TNS2: variants seen among roughly 807,000 people sequenced by gnomAD.
TNS2 encodes the protein tensin 2, also known as tensin-2.
In TNS2, 77 loss-of-function variants were observed where a neutral mutation model predicts 155.7. That is an observed-to-expected ratio of 0.49 (90% CI 0.41 to 0.60). TNS2 has a LOEUF of 0.60. Ranked by LOEUF, TNS2 falls within the 20% of genes least tolerant of loss-of-function variation. The probability of loss-of-function intolerance (pLI) is 0.00; values close to 1 mark genes in which losing one functional copy is unlikely to be tolerated. For missense variants in TNS2, 1,703 were observed against 1,868.8 expected (o/e 0.91, Z 1.64); for synonymous variants, 726 against 763.9 (o/e 0.95, Z 0.82).
rs1392028312 is a variant in TNS2, at chr12:53,058,412, T to A, written c.1192T>A (p.Phe398Ile). 6.2e-7 allele frequency: 1 copy of A among 1,614,098 alleles called. No homozygotes were observed. Among genetic ancestry groups the A allele is most frequent in the South Asian group, 1.1e-5 (1 of 91,078 alleles). ...TCTIHGPQLT[F>I]PKDQLDEAWT... ...CACCATCCACGGACCACAGCTCACT[T>A]TCCCCAAGGACCAGCTTGACGAGGC... The change falls in exon 15 of 29, where the codon TTC becomes ATC. Residue 398 changes from phenylalanine (F) to isoleucine (I), a missense_variant. Coordinates refer to ENST00000314250, the MANE Select transcript of TNS2 (RefSeq NM_170754.4).
At chr12:53,054,524 C>G (rs1441663409) in intron 7 of TNS2, 83 bp downstream of exon 7, 22 of 932,950 alleles carry the variant, frequency 2.4e-5, no homozygotes, top group Non-Finnish European at 2.4e-5. Flanking sequence ...ACGTCACCAG[C>G]GGAGGCGAGG....
At position 53,057,111 on chromosome 12, in the gene TNS2, TG is replaced by T; in HGVS notation, c.845+19del. The T allele has an allele frequency of 6.2e-7, 1 of 1,608,014 alleles. No homozygotes were observed. Among genetic ancestry groups the T allele is most frequent in the Non-Finnish European group, 8.5e-7 (1 of 1,177,454 alleles). On this transcript the variant is annotated intron_variant, in intron 11 of 28. Transcript: ENST00000314250. ...TCCCAGCGTCGGTGAGCAGCCTGGGTGGGGATGGGCCAGAGGAGCAGCTCCC... is the reference window on the plus strand; with the variant it reads ...TCCCAGCGTCGGTGAGCAGCCTGGGTGGGATGGGCCAGAGGAGCAGCTCCC...
chr12:53,047,678 G>A (rs1162848668), upstream of TNS2, among the ~76,000 whole-genome samples: 3 of 152,032 alleles, frequency 2.0e-5, no homozygotes, highest in African/African-American at 7.2e-5. Context: ...CCCGGGACCC[G>A]GCAGCAGCTG....
Position 53,050,924 on chromosome 12 carries a change from G to A in TNS2, c.75+664G>A, listed in dbSNP as rs1379351044. 1.3e-5 allele frequency among the ~76,000 whole-genome samples: 2 copies of A among 152,176 alleles called. No individual in the cohort carries two copies. The highest frequency in any genetic ancestry group is 2.9e-5 in the Non-Finnish European group (2 of 68,046). On this transcript the variant is annotated intron_variant, in intron 1 of 28. Transcript: ENST00000314250. The surrounding 1 kb of genome is among the most constrained non-coding windows in gnomAD (Gnocchi z 4.7). ...TACTGTGATGGGTCCCCGGGAGGAG[G>A]ACAGCAGGAGTCTGAACTCCAGAGG...
upstream of TNS2, among the ~76,000 whole-genome samples, chr12:53,048,403 G>A (rs1311124817): frequency 1.3e-5 from 2 of 152,198 alleles, no homozygotes; most frequent in African/African-American, 2.4e-5. Context: ...CCTGGTCAGG[G>A]CCATGTGCCA....
At chr12:53,056,972 G>A in intron 10 of TNS2, 41 bp from the exon 11 acceptor site, 1 of 1,587,930 alleles carries the variant, frequency 6.3e-7, no homozygotes, top group Non-Finnish European at 8.6e-7. Flanking sequence ...CCAGGATGAA[G>A]ATTAATCCCT....
chr12:53,062,962 G>C, intron 25 of TNS2, 127 bp from the exon 26 acceptor site: 1 of 1,278,962 alleles, frequency 7.8e-7, no homozygotes, highest in Non-Finnish European at 1.1e-6. Context: ...CATGGAATCT[G>C]CCTTTTTAAC....
Position 53,062,495 on chromosome 12 carries a change from C to A in TNS2, c.3745+42C>A, listed in dbSNP as rs777027686. 8 of 1,611,484 alleles carry A rather than the reference C, an allele frequency of 5.0e-6. No individual in the cohort carries two copies. In the East Asian group the frequency reaches 1.6e-4, roughly 31 times the overall value. On this transcript the variant is annotated intron_variant, in intron 24 of 28. Coordinates refer to ENST00000314250, the MANE Select transcript of TNS2 (RefSeq NM_170754.4). ...CTGTCCTCCCCACCTCTCCCTACCC[C>A]CTGCAGCCAAAGCAGGATCCAGAGG...
chr12:53,061,774 T>G, intron 21 of TNS2, 41 bp from the exon 22 acceptor site: 1 of 1,588,042 alleles, frequency 6.3e-7, no homozygotes, highest in South Asian at 1.1e-5. Flanking sequence ...TCCACCCCTG[T>G]GAAAACTCCT....
chr12:53,059,307 G>GTTTTTC lies in TNS2; in HGVS notation c.1666_1667insTTTTTC (p.Gly556delinsValPheArg). ...CTGCGGAGTGGCCAGTGGGGGCCGGGGAGCTGGGCGCGAGACGGCCATCCT... is the reference window on the plus strand; with the variant it reads ...CTGCGGAGTGGCCAGTGGGGGCCGGGTTTTTCGAGCTGGGCGCGAGACGGCCATCCT... On this transcript the variant is annotated protein_altering_variant, in exon 18 of 29. Transcript: ENST00000314250. This position sits in a 1 kb window ranked among gnomAD's most constrained non-coding sequence, Gnocchi z 4.7. The GTTTTTC allele has an allele frequency of 6.9e-7, 1 of 1,457,850 alleles. No individual in the cohort carries two copies. 90.3% of individuals were successfully genotyped at this position (1,457,850 alleles called of 1,614,324 possible). A position where few individuals can be genotyped will look rare whatever the true frequency, so the allele number is the denominator to read the frequency against.
chr12:53,058,467 T>C, intron 15 of TNS2, 22 bp downstream of exon 15: 1 of 1,613,938 alleles, frequency 6.2e-7, no homozygotes, highest in Middle Eastern at 1.6e-4. Flanking sequence ...ACAAGTGGCC[T>C]GGGGCTGGAG....
At chr12:53,048,452 C>T (rs1943806642), upstream of TNS2, among the ~76,000 whole-genome samples, 1 of 152,216 alleles carries the variant, frequency 6.6e-6, no homozygotes, top group Non-Finnish European at 1.5e-5. Flanking sequence ...AAAAGCCACC[C>T]CCACTGCCCA....
Position 53,057,849 on chromosome 12 carries a change from C to T in TNS2, c.1019+16C>T, listed in dbSNP as rs1472526619. 5 of 1,613,842 alleles carry T rather than the reference C, an allele frequency of 3.1e-6. No homozygotes were observed. The highest frequency in any genetic ancestry group is 4.2e-6 in the Non-Finnish European group (5 of 1,180,018). ...CTGGAGTCTAGTGAGTGCTCTATTCCCAGGCCCCTGACACTTCATGACCAG... is the reference window on the plus strand; with the variant it reads ...CTGGAGTCTAGTGAGTGCTCTATTCTCAGGCCCCTGACACTTCATGACCAG... On this transcript the variant is annotated intron_variant, in intron 13 of 28. Transcript: ENST00000314250.
chr12:53,055,859 C>CGCCTG lies in TNS2; in HGVS notation c.761+15_761+19dup. 1 of 1,604,348 alleles carries CGCCTG rather than the reference C, an allele frequency of 6.2e-7. No individual in the cohort carries two copies. Among genetic ancestry groups the CGCCTG allele is most frequent in the Non-Finnish European group, 8.5e-7 (1 of 1,173,904 alleles). On this transcript the variant is annotated intron_variant, in intron 10 of 28. Transcript: ENST00000314250. ...GATCTCTGCAGGGTGAGGCTCCCAG[C>CGCCTG]GCCTGAGTAGCTGCTTCCCCAGTGG...
chr12:53,060,807 G>A lies in TNS2; in HGVS notation c.2901G>A (p.Glu967=). ...AGCTGCCGTCGGGAAGTGGGCCTGA[G>A]CCTCTGGCCCCTAGCCCAGTCTCTC... ...APELPSGSGP[E]PLAPSPVSPT... is the part of the protein sequence containing the mutation. The change falls in exon 20 of 29, where the codon GAG becomes GAA. Residue 967 remains glutamate (E), a synonymous_variant. Transcript: ENST00000314250. The surrounding 1 kb of genome is among the most constrained non-coding windows in gnomAD (Gnocchi z 6.1). The A allele has an allele frequency of 6.2e-7, 1 of 1,611,620 alleles. No individual in the cohort carries two copies. Among genetic ancestry groups the A allele is most frequent in the South Asian group, 1.1e-5 (1 of 90,934 alleles).
Position 53,059,318 on chromosome 12 carries a change from C to A in TNS2, c.1677C>A (p.Arg559=), listed in dbSNP as rs539615970. The A allele has an allele frequency of 7.1e-7, 1 of 1,413,488 alleles. No homozygotes were observed. The highest frequency in any genetic ancestry group is 9.2e-7 in the Non-Finnish European group (1 of 1,083,538). The allele number at this position is 1,413,488 out of a possible 1,614,324, so 87.6% of individuals were successfully genotyped here. ...CCAGTGGGGGCCGGGGAGCTGGGCG[C>A]GAGACGGCCATCCTAGATGACGAAG... The part of the protein sequence containing the change: ...GVASGGRGAG[R]ETAILDDEEQ... Residue 559 remains arginine, a synonymous_variant, in exon 18 of 29, where the codon CGC becomes CGA. Transcript: ENST00000314250. The surrounding 1 kb of genome is among the most constrained non-coding windows in gnomAD (Gnocchi z 4.7).
At chr12:53,049,276 G>C (rs372551154), upstream of TNS2, 135 of 1,584,706 alleles carry the variant, frequency 8.5e-5, no homozygotes, top group African/African-American at 4.5e-4. Flanking sequence ...GGGTTGCCGC[G>C]GGGGGAGGGT....
upstream of TNS2, among the ~76,000 whole-genome samples, chr12:53,048,444 A>C (rs2121037255): frequency 6.6e-6 from 1 of 152,196 alleles, no homozygotes; most frequent in Non-Finnish European, 1.5e-5. Flanking sequence ...GGACAGAAAA[A>C]AGCCACCCCC....
rs2139774 is a variant in TNS2 at position 53,056,841 on chromosome 12, C to T, written c.762-172C>T. On this transcript the variant is annotated intron_variant, in intron 10 of 28. Coordinates refer to ENST00000314250, the MANE Select transcript of TNS2 (RefSeq NM_170754.4). Reference sequence around the variant, plus strand: ...AGTTCAGGGAACAATTGCCTGAGGCCCAACAACTAGTAAAGTGACTGTACA... The same window carrying T: ...AGTTCAGGGAACAATTGCCTGAGGCTCAACAACTAGTAAAGTGACTGTACA... 165 of 579,694 alleles carry T rather than the reference C, an allele frequency of 2.8e-4. No individual in the cohort carries two copies. In the African/African-American group the frequency reaches 3.0e-3, roughly 10 times the overall value. The allele number at this position is 579,694 out of a possible 1,614,324, so 35.9% of individuals were successfully genotyped here.
Sources: allele counts gnomAD v4.1 joint callset (sites outside exome capture counted in the v4.1 genomes callset), GRCh38; gene constraint gnomAD v4.1.1; non-coding constraint Gnocchi (gnomAD v3.1); transcripts MANE v1.5; gene names NCBI Gene and HGNC (gene_info 2026-07-23, HGNC 2026-07-21).